Variants in TRIOBP observed in about 807,000 individuals in gnomAD.
TRIOBP encodes TRIO and F-actin binding protein.
In TRIOBP, 169 loss-of-function variants were observed where a neutral mutation model predicts 238.8. The observed-to-expected ratio is 0.71, with a 90% CI of 0.62 to 0.80. The LOEUF is 0.80. TRIOBP is among the 30% of genes least tolerant of loss of function. The probability of loss-of-function intolerance (pLI) is 0.00; values close to 1 mark genes in which losing one functional copy is unlikely to be tolerated. For synonymous variants in TRIOBP, 1,150 were observed against 1,274.4 expected (o/e 0.90, Z 2.08); for missense variants, 2,838 against 3,122.6 (o/e 0.91, Z 2.17).
chr22:37,726,206 G>A lies in TRIOBP; in HGVS notation c.3650G>A (p.Cys1217Tyr). 2 of 1,579,680 alleles carry A rather than the reference G, an allele frequency of 1.3e-6. No homozygotes were observed. Among genetic ancestry groups the A allele is most frequent in the Non-Finnish European group, 8.6e-7 (1 of 1,162,174 alleles). ...HGSPVLIPQV[C>Y]IGHRDAPRAS... ...TCCCCAGTGCTGATCCCCCAAGTGTGCATCGGGCACCGGGATGCACCCCGA... is the reference window on the plus strand; with the variant it reads ...TCCCCAGTGCTGATCCCCCAAGTGTACATCGGGCACCGGGATGCACCCCGA... Residue 1217 changes from cysteine (C) to tyrosine (Y), a missense_variant, in exon 7 of 24, where the codon TGC (cysteine) becomes TAC (tyrosine). Cys to Tyr is a radical substitution (Grantham distance 194, BLOSUM62 -2). Around this residue, in one of 5 missense-constraint regions of TRIOBP, gnomAD observed 2,096 missense variants for 2,137.4 expected, o/e 0.98. Transcript: ENST00000644935.
intron 3 of TRIOBP, among the ~76,000 whole-genome samples, chr22:37,702,529 C>G (rs553529498): frequency 4.1e-4 from 62 of 151,680 alleles, no homozygotes; most frequent in Non-Finnish European, 7.5e-4. Flanking sequence ...ATGGAAGGCT[C>G]TGAGCTTGCA....
Position 37,738,608 on chromosome 22 carries a change from T to C in TRIOBP, c.5107-34T>C, listed in dbSNP as rs779661921. On this transcript the variant is annotated intron_variant, in intron 9 of 23. Coordinates refer to ENST00000644935, the MANE Select transcript of TRIOBP (RefSeq NM_001039141.3). ...AGATGCATGCATCCTGGAGAATAAGTTGGGCTAAGCTGTGTTCTTTTTTTA... is the reference window on the plus strand; with the variant it reads ...AGATGCATGCATCCTGGAGAATAAGCTGGGCTAAGCTGTGTTCTTTTTTTA... 4 of 1,606,184 alleles carry C rather than the reference T, an allele frequency of 2.5e-6. No individual in the cohort carries two copies. The South Asian group carries it at 4.4e-5, about 18-fold the overall frequency.
chr22:37,728,332 G>T (rs1924277304), intron 7 of TRIOBP, among the ~76,000 whole-genome samples: 1 of 151,948 alleles, frequency 6.6e-6, no homozygotes, highest in African/African-American at 2.4e-5. Flanking sequence ...TACTCAGGAG[G>T]CTGAGGCAGC....
chr22:37,755,033 C>T, intron 13 of TRIOBP, 49 bp downstream of exon 13: 1 of 1,611,290 alleles, frequency 6.2e-7, no homozygotes, highest in East Asian at 2.2e-5. Flanking sequence ...CTGGGGTGGC[C>T]TGGCTGGGTT....
Position 37,734,367 on chromosome 22 carries a change from G to A in TRIOBP, c.4063-32G>A, listed in dbSNP as rs777738830. ...GCTGGCAGCCAGGTCCCCAGAGAGA[G>A]AGCCTCACCTACCCCCTCACCTCAT... On this transcript the variant is annotated intron_variant, in intron 8 of 23. Coordinates refer to ENST00000644935, the MANE Select transcript of TRIOBP (RefSeq NM_001039141.3). 4 of 1,599,760 alleles carry A rather than the reference G, an allele frequency of 2.5e-6. No individual in the cohort carries two copies. The African/African-American group carries it at 5.4e-5, about 21-fold the overall frequency.
chr22:37,723,838 C>T lies in TRIOBP; in HGVS notation c.1282C>T (p.Pro428Ser). 1.9e-6 allele frequency: 3 copies of T among 1,595,632 alleles called. No homozygotes were observed. The highest frequency in any genetic ancestry group is 2.6e-6 in the Non-Finnish European group (3 of 1,168,018). Reference protein sequence around the residue: ...SSPNRATRDNPRTSCAQRDNP... With the variant: ...SSPNRATRDNSRTSCAQRDNP... ...TCCCAATAGAGCCACACGAGACAAC[C>T]CCAGAACATCCTGCGCCCAGCGGGA... Residue 428 changes from proline (P) to serine (S), a missense_variant, in exon 7 of 24, where the codon CCC becomes TCC. Physicochemically the swap from Pro to Ser is moderately conservative, Grantham distance 74. This residue lies in a region of TRIOBP where 26 missense variants were observed against 49.3 expected (regional missense o/e 0.53). Transcript: ENST00000644935.
intron 22 of TRIOBP, 139 bp from the exon 23 acceptor site, chr22:37,772,461 AC>A: frequency 8.6e-7 from 1 of 1,167,340 alleles, no homozygotes; most frequent in Non-Finnish European, 1.2e-6. Flanking sequence ...CCCAGAACCC[AC>A]GGCCATCTTG....
At chr22:37,722,382 C>T (rs1300845135) in intron 6 of TRIOBP, among the ~76,000 whole-genome samples, 7 of 147,320 alleles carry the variant, frequency 4.8e-5, no homozygotes, top group East Asian at 4.0e-4. Flanking sequence ...GAGCCGAGAT[C>T]GCGTCATTGC....
In TRIOBP at chr22:37,697,684, T is replaced by A. The variant is rs1569028733; in HGVS notation, c.-73T>A. The stretch of plus-strand genomic sequence containing the variant: ...GATTGGCCACAAAAGCCTGATCCCC[T>A]GGAACACAGCAGGTGAGGATGGATG... On this transcript the variant is annotated 5_prime_UTR_variant, in exon 2 of 24. Transcript: ENST00000644935. 2 of 152,148 alleles carry A rather than the reference T, an allele frequency of 1.3e-5. No individual in the cohort carries two copies. The highest frequency in any genetic ancestry group is 4.8e-5 in the African/African-American group (2 of 41,416). 9.4% of individuals were successfully genotyped at this position (152,148 alleles called of 1,614,324 possible). A position where few individuals can be genotyped will look rare whatever the true frequency, so the allele number is the denominator to read the frequency against.
intron 3 of TRIOBP, among the ~76,000 whole-genome samples, chr22:37,709,343 G>C (rs541863710): frequency 6.6e-6 from 1 of 152,200 alleles, no homozygotes; most frequent in Non-Finnish European, 1.5e-5. Context: ...TGCTGGGATC[G>C]GGTTCCTGCG....
intron 17 of TRIOBP, among the ~76,000 whole-genome samples, chr22:37,764,308 C>T (rs1926382371): frequency 1.3e-5 from 2 of 152,324 alleles, no homozygotes; most frequent in South Asian, 4.1e-4. Flanking sequence ...CTGTGTTTTC[C>T]ATTCACTGGG....
rs748076965 is a variant in TRIOBP, at chr22:37,755,537, G to A, written c.5578-13G>A. 5 of 1,612,152 alleles carry A rather than the reference G, an allele frequency of 3.1e-6. No individual in the cohort carries two copies. Among genetic ancestry groups the A allele is most frequent in the Middle Eastern group, 1.7e-4 (1 of 6,056 alleles). On this transcript the variant is annotated splice_polypyrimidine_tract_variant and intron_variant, in intron 14 of 23. Transcript: ENST00000644935. Reference sequence around the variant, plus strand: ...TGGCCATGTGGCAACCTACCCATGCGGTGGCCTTGCAGACCAAGGATGCTG... The same window carrying A: ...TGGCCATGTGGCAACCTACCCATGCAGTGGCCTTGCAGACCAAGGATGCTG...
chr22:37,706,401 G>A (rs1922946561), intron 3 of TRIOBP, among the ~76,000 whole-genome samples: 1 of 152,122 alleles, frequency 6.6e-6, no homozygotes, highest in African/African-American at 2.4e-5. Context: ...CTGGGTGGAG[G>A]CCAGGGAATC....
chr22:37,735,183 C>T lies in TRIOBP; in HGVS notation c.4847C>T (p.Pro1616Leu). ...ARALGPELGP[P>L]GTNDVPEQES... The stretch of plus-strand genomic sequence containing the variant: ...GCTTTAGGGCCAGAGCTGGGTCCCC[C>T]AGGCACAAACGATGTCCCTGAGCAG... The change falls in exon 9 of 24, where the codon CCA becomes CTA. Residue 1616 changes from proline to leucine, a missense_variant. Pro to Leu is a moderately conservative substitution (Grantham distance 98, BLOSUM62 -3). Transcript: ENST00000644935. The T allele has an allele frequency of 1.2e-6, 2 of 1,609,816 alleles. No individual in the cohort carries two copies. Among genetic ancestry groups the T allele is most frequent in the South Asian group, 1.1e-5 (1 of 91,000 alleles).
rs373077785 is a variant in TRIOBP at position 37,772,708 on chromosome 22, T to C, written c.7044T>C (p.Leu2348=). ...EIEQLKEHLR[L]AMAALQEKES... ...AGCAGCTGAAGGAGCACCTGCGTCT[T>C]GCCATGGCCGCCCTCCAGGAGAAGG... Residue 2348 remains leucine, a synonymous_variant, in exon 23 of 24, where the codon CTT becomes CTC. Coordinates refer to ENST00000644935, the MANE Select transcript of TRIOBP (RefSeq NM_001039141.3). 8.1e-6 allele frequency: 13 copies of C among 1,613,926 alleles called. No homozygotes were observed. The African/African-American group carries it at 1.2e-4, about 15-fold the overall frequency.
At chr22:37,715,679 C>T in intron 5 of TRIOBP, 84 bp from the exon 6 acceptor site, 9 of 1,497,926 alleles carry the variant, frequency 6.0e-6, no homozygotes, top group Non-Finnish European at 8.2e-6. Context: ...CCTTCCCTTC[C>T]TTCTGCCCCT....
intron 5 of TRIOBP, among the ~76,000 whole-genome samples, chr22:37,714,351 A>G (rs1569036049): frequency 6.6e-6 from 1 of 152,194 alleles, no homozygotes; most frequent in African/African-American, 2.4e-5. Context: ...GTGCCAGGCA[A>G]ACAGCACATG....
intron 3 of TRIOBP, among the ~76,000 whole-genome samples, chr22:37,708,551 CA>C (rs1042716271): frequency 2.0e-5 from 3 of 150,516 alleles, no homozygotes; most frequent in Non-Finnish European, 3.0e-5. Flanking sequence ...GACTCTGTCT[CA>C]AAAAAAAAGC....
chr22:37,713,431 T>C lies in TRIOBP; in HGVS notation c.456+20T>C, dbSNP rs1923361093. The C allele has an allele frequency of 9.3e-6, 15 of 1,610,272 alleles. No homozygotes were observed. The highest frequency in any genetic ancestry group is 1.2e-5 in the Non-Finnish European group (14 of 1,179,782). ...TCTGTGGTGAGCCAGGAGTGGGAGT[T>C]TGGGGGACAAGAGTGGCTCACACCT... On this transcript the variant is annotated intron_variant, in intron 5 of 23. Transcript: ENST00000644935.
Sources: allele counts gnomAD v4.1 joint callset (sites outside exome capture counted in the v4.1 genomes callset), GRCh38; gene constraint gnomAD v4.1.1; regional missense constraint gnomAD v4.1.1; transcripts MANE v1.5; gene names NCBI Gene and HGNC (gene_info 2026-07-23, HGNC 2026-07-21).